Variants in FGF1 observed in about 807,000 individuals in gnomAD.
FGF1 encodes fibroblast growth factor 1.
In FGF1, 9 loss-of-function variants were observed where a neutral mutation model predicts 13.4. The observed-to-expected ratio is 0.67, with a 90% CI of 0.40 to 1.17. The LOEUF is 1.17. Ranked by LOEUF, FGF1 falls within the 50% of genes most tolerant of loss-of-function variation. The pLI is 0.01. For synonymous variants in FGF1, 93 were observed against 79.0 expected (o/e 1.18, Z -0.94); for missense variants, 156 against 192.7 (o/e 0.81, Z 1.13).
At chr5:142,667,315 G>A (rs1229520684) in intron 1 of FGF1, among the ~76,000 whole-genome samples, 5 of 142,962 alleles carry the variant, frequency 3.5e-5, no homozygotes, top group African/African-American at 1.0e-4. Context: ...GGCCGGGCGC[G>A]GTGGCTCACG....
chr5:142,662,038 A>C (rs1305094562), intron 1 of FGF1, among the ~76,000 whole-genome samples: 6 of 152,074 alleles, frequency 3.9e-5, no homozygotes, highest in African/African-American at 1.4e-4. Context: ...GACAAAAAAA[A>C]ACCCACATAT....
intron 1 of FGF1, among the ~76,000 whole-genome samples, chr5:142,650,318 T>C (rs1440788498): frequency 2.6e-5 from 4 of 152,186 alleles, no homozygotes; most frequent in African/African-American, 4.8e-5. Context: ...CAAGATAACA[T>C]TGCAAAAGGT....
At chr5:142,661,457 A>G (rs182203314) in intron 1 of FGF1, among the ~76,000 whole-genome samples, 1 of 152,350 alleles carries the variant, frequency 6.6e-6, no homozygotes, top group Admixed American at 6.5e-5. Context: ...TAGCGTTACC[A>G]TATGACCCAA....
rs560070326 is a variant in FGF1, at chr5:142,666,551, A to C, written c.-35+19406T>G. Among the ~76,000 whole-genome samples, 4 of 152,048 alleles carry C rather than the reference A, an allele frequency of 2.6e-5. No individual in the cohort carries two copies. In the East Asian group the frequency reaches 7.7e-4, roughly 29 times the overall value. On this transcript the variant is annotated intron_variant, in intron 1 of 3. Coordinates refer to ENST00000337706, the MANE Select transcript of FGF1 (RefSeq NM_000800.5). ...CTCTGACATGTTCCCCACAAAAAAA[A>C]CCGTAGCATTTCAGCCAGGATATGG...
upstream of FGF1, among the ~76,000 whole-genome samples, chr5:142,688,456 G>T (rs568821925): frequency 6.6e-6 from 1 of 152,282 alleles, no homozygotes; most frequent in African/African-American, 2.4e-5. Flanking sequence ...GAAAAGTCTG[G>T]TCTCAGAATA....
chr5:142,637,534 T>C (rs972850337), intron 1 of FGF1, among the ~76,000 whole-genome samples: 2 of 151,984 alleles, frequency 1.3e-5, no homozygotes, highest in African/African-American at 4.8e-5. Flanking sequence ...TTAGCCACGA[T>C]GGTCTCAATC....
intron 1 of FGF1, among the ~76,000 whole-genome samples, chr5:142,624,045 G>A (rs1039860535): frequency 1.3e-5 from 2 of 152,032 alleles, no homozygotes; most frequent in Non-Finnish European, 2.9e-5. Flanking sequence ...TCAGCCTCCC[G>A]AGTAGCTGGG....
At chr5:142,697,170 A>G (rs2152076177) in intron 2 of FGF1, among the ~76,000 whole-genome samples, 1 of 152,348 alleles carries the variant, frequency 6.6e-6, no homozygotes, top group South Asian at 2.1e-4. Flanking sequence ...GTGATGGGGA[A>G]AAAGAGGCTC....
chr5:142,648,969 CGA>C (rs1561663739), intron 1 of FGF1, among the ~76,000 whole-genome samples: 1 of 151,950 alleles, frequency 6.6e-6, no homozygotes, highest in East Asian at 1.9e-4. Context: ...GCAGGACGGC[CGA>C]GAGAGGAAAC....
chr5:142,693,800 CT>C (rs1361142208), intron 2 of FGF1, among the ~76,000 whole-genome samples: 1 of 152,122 alleles, frequency 6.6e-6, no homozygotes, highest in Non-Finnish European at 1.5e-5. Context: ...AGCATTTTTC[CT>C]TTAGTGTGAT....
chr5:142,669,684 A>G (rs1771081042), intron 1 of FGF1, among the ~76,000 whole-genome samples: 1 of 151,964 alleles, frequency 6.6e-6, no homozygotes, highest in Admixed American at 6.5e-5. Flanking sequence ...TGAGGTGAAC[A>G]GAGTCATCCA....
At chr5:142,598,835 A>G (rs1238087687) in intron 3 of FGF1, among the ~76,000 whole-genome samples, 2 of 152,216 alleles carry the variant, frequency 1.3e-5, no homozygotes, top group Non-Finnish European at 2.9e-5. Flanking sequence ...CCTGGAGCCT[A>G]TCGGAAATTA....
Position 142,611,672 on chromosome 5 carries a change from A to AC in FGF1, c.169+2286dup, listed in dbSNP as rs1459683058. Among the ~76,000 whole-genome samples the AC allele has an allele frequency of 3.9e-5, 6 of 152,048 alleles. No individual in the cohort carries two copies. The East Asian group carries it at 1.2e-3, about 29-fold the overall frequency. On this transcript the variant is annotated intron_variant, in intron 2 of 3. Coordinates refer to ENST00000337706, the MANE Select transcript of FGF1 (RefSeq NM_000800.5). ...CAGGTACACGGATGGGCTTCTGGCCACCCACCCCACTTACTCTGATCTCTG... is the reference window on the plus strand; with the variant it reads ...CAGGTACACGGATGGGCTTCTGGCCACCCCACCCCACTTACTCTGATCTCTG...
At chr5:142,690,338 G>A (rs1369447069), upstream of FGF1, among the ~76,000 whole-genome samples, 2 of 151,770 alleles carry the variant, frequency 1.3e-5, no homozygotes, top group African/African-American at 4.8e-5. Flanking sequence ...GACTCCGTCT[G>A]GGGAAAAAAT....
intron 1 of FGF1, among the ~76,000 whole-genome samples, chr5:142,670,861 C>A (rs574973872): frequency 6.6e-6 from 1 of 152,174 alleles, no homozygotes; most frequent in Non-Finnish European, 1.5e-5. Flanking sequence ...TGAGAGCACA[C>A]TATTGCACAT....
At chr5:142,632,972 T>G (rs990770023) in intron 1 of FGF1, among the ~76,000 whole-genome samples, 8 of 150,278 alleles carry the variant, frequency 5.3e-5, no homozygotes, top group African/African-American at 2.0e-4. Flanking sequence ...CAGGCTGGAG[T>G]ACAGTGGCAC....
At chr5:142,692,842 A>ACAAACAAG (rs1185829615) in intron 2 of FGF1, among the ~76,000 whole-genome samples, 1 of 152,050 alleles carries the variant, frequency 6.6e-6, no homozygotes, top group Non-Finnish European at 1.5e-5. Flanking sequence ...AAACAAACAA[A>ACAAACAAG]CAAACAAACA....
At chr5:142,634,555 G>A (rs1169235945) in intron 1 of FGF1, among the ~76,000 whole-genome samples, 2 of 152,244 alleles carry the variant, frequency 1.3e-5, no homozygotes, top group Non-Finnish European at 2.9e-5. Flanking sequence ...TAGGCCAGTT[G>A]CTAGCCGCTC....
chr5:142,693,236 G>A (rs1387702258), intron 2 of FGF1, among the ~76,000 whole-genome samples: 1 of 152,172 alleles, frequency 6.6e-6, no homozygotes, highest in Non-Finnish European at 1.5e-5. Context: ...GCAAAGCCCT[G>A]TCGCGGGGTT....
Sources: gnomAD v4.1 joint callset for allele counts (sites outside exome capture counted in the v4.1 genomes callset) on GRCh38, gnomAD v4.1.1 for gene constraint, MANE v1.5 for transcripts, NCBI Gene and HGNC (gene_info 2026-07-23, HGNC 2026-07-21) for gene names.